The following MGAT5B variants were observed in gnomAD, a reference collection of about 807,000 sequenced individuals.
The protein encoded by MGAT5B is N-acetylglucosaminyl-transferase Vb.
Under a neutral mutation model 95.1 loss-of-function variants are expected in MGAT5B, and 54 were observed. That is an observed-to-expected ratio of 0.57 (90% confidence interval 0.46 to 0.71). The LOEUF (loss-of-function observed/expected upper bound fraction) is 0.71. Ranked by LOEUF, MGAT5B falls within the 30% of genes least tolerant of loss-of-function variation. MGAT5B has a pLI of 0.00. For synonymous variants in MGAT5B, 464 were observed against 451.0 expected, an observed-to-expected ratio of 1.03 and a Z score of -0.36; for missense variants, 935 against 1,088.6, an observed-to-expected ratio of 0.86 and a Z score of 1.99.
intron 12 of MGAT5B, among the ~76,000 whole-genome samples, chr17:76,937,314 A>G (rs1472408184): frequency 6.6e-6 from 1 of 152,180 alleles, no homozygotes. Flanking sequence ...ATGGGCAGAT[A>G]AGATGGATGA....
chr17:76,877,858 C>T, intron 2 of MGAT5B, among the ~76,000 whole-genome samples: 1 of 151,646 alleles, frequency 6.6e-6, no homozygotes, highest in East Asian at 1.9e-4. Context: ...ATGAGAGAGA[C>T]AGAGAGAGAC....
intron 8 of MGAT5B, among the ~76,000 whole-genome samples, chr17:76,907,836 C>T (rs75044145): frequency 0.011 from 1,640 of 152,264 alleles, 23 homozygotes; most frequent in African/African-American, 0.028. Flanking sequence ...CATGAGTTTC[C>T]GCTGGTTCAC....
Position 76,948,968 on chromosome 17 carries a change from GCC to G in MGAT5B, c.*131_*132del. ...CCCCAGGCCGGAGCTTCCTTCCTTA[GCC>G]GGGAAGCTGGCAGAGGAGAGCCGTG... is the stretch of plus-strand genomic sequence containing the variant. On this transcript the variant is annotated 3_prime_UTR_variant, in exon 18 of 18. Coordinates refer to ENST00000569840, the MANE Select transcript of MGAT5B (RefSeq NM_001199172.2). 9.0e-7 allele frequency: 1 copy of G among 1,105,240 alleles called. No homozygotes were observed. Among genetic ancestry groups the G allele is most frequent in the Non-Finnish European group, 1.3e-6 (1 of 793,154 alleles). 68.5% of individuals were successfully genotyped at this position (1,105,240 alleles called of 1,614,324 possible). A position where few individuals can be genotyped will look rare whatever the true frequency, so the allele number is the denominator to read the frequency against.
At position 76,882,493 on chromosome 17, in the gene MGAT5B, C is replaced by G. The variant is rs1598898204; in HGVS notation, c.329+195C>G. The G allele has an allele frequency of 9.8e-6, 6 of 611,896 alleles. No individual in the cohort carries two copies. In the East Asian group the frequency reaches 2.0e-4, roughly 20 times the overall value. 37.9% of individuals were successfully genotyped at this position (611,896 alleles called of 1,614,324 possible). Reference sequence around the variant, plus strand: ...TTGGTCACATTTGTGGCCTGTTTTCCTCTTTAAATAAAACGTCACAGATGA... The same window carrying G: ...TTGGTCACATTTGTGGCCTGTTTTCGTCTTTAAATAAAACGTCACAGATGA... On this transcript the variant is annotated intron_variant, in intron 3 of 17. Coordinates refer to ENST00000569840, the MANE Select transcript of MGAT5B (RefSeq NM_001199172.2).
chr17:76,884,399 GT>G (rs1329690441), intron 3 of MGAT5B, among the ~76,000 whole-genome samples: 5 of 152,054 alleles, frequency 3.3e-5, no homozygotes. Context: ...ATGTGGTTTG[GT>G]TTTTGTCCCT....
chr17:76,893,275 C>T (rs1020193519), intron 3 of MGAT5B, among the ~76,000 whole-genome samples: 4 of 152,146 alleles, frequency 2.6e-5, no homozygotes, highest in Non-Finnish European at 5.9e-5. Context: ...TTTGGTTCCT[C>T]TGTGCCCAGA....
intron 3 of MGAT5B, among the ~76,000 whole-genome samples, chr17:76,897,725 CTTTTTCTTTT>C (rs1598923045): frequency 9.1e-5 from 6 of 66,172 alleles, no homozygotes; most frequent in East Asian, 7.8e-4. Context: ...TTCTTTCTTT[CTTTTTCTTTT>C]TTTTTTTTTT....
At position 76,925,069 on chromosome 17, in the gene MGAT5B, C is replaced by G. The variant is rs1969258834; in HGVS notation, c.1129C>G (p.His377Asp). ...DYHGLQQMKR[H>D]MGLSFKKYRC... is the part of the protein sequence containing the mutation. ...CCACGGCCTGCAGCAGATGAAGCGG[C>G]ACATGGGACTCTCCTTCAAGAAGTA... Residue 377 changes from histidine to aspartate, a missense_variant, in exon 9 of 18, where the codon CAC becomes GAC. Coordinates refer to ENST00000569840, the MANE Select transcript of MGAT5B (RefSeq NM_001199172.2). The G allele has an allele frequency of 1.2e-6, 2 of 1,611,496 alleles. No homozygotes were observed. Among genetic ancestry groups the G allele is most frequent in the African/African-American group, 2.7e-5 (2 of 74,696 alleles).
In MGAT5B at chr17:76,882,284, C is replaced by G. The variant is rs1251321386; in HGVS notation, c.315C>G (p.His105Gln). ...SELHRAGGDL[H>Q]FPADRMPPGA... is the part of the protein sequence containing the mutation. Reference sequence around the variant, plus strand: ...TGCACCGGGCCGGCGGCGACCTGCACTTTCCCGCAGACAGGTGAGGGGACG... The same window carrying G: ...TGCACCGGGCCGGCGGCGACCTGCAGTTTCCCGCAGACAGGTGAGGGGACG... The change falls in exon 3 of 18, where the codon CAC becomes CAG. Residue 105 changes from histidine to glutamine, a missense_variant. By Grantham distance (24) the His-to-Gln change is conservative (BLOSUM62 0). Coordinates refer to ENST00000569840, the MANE Select transcript of MGAT5B (RefSeq NM_001199172.2). The G allele has an allele frequency of 1.2e-6, 2 of 1,612,138 alleles. No individual in the cohort carries two copies. The highest frequency in any genetic ancestry group is 1.7e-6 in the Non-Finnish European group (2 of 1,179,466).
At chr17:76,939,029 GGTGTGTGTGTGTGTGTGTGTGT>G (rs372571720) in intron 13 of MGAT5B, among the ~76,000 whole-genome samples, 1 of 128,190 alleles carries the variant, frequency 7.8e-6, no homozygotes, top group East Asian at 2.3e-4. Context: ...GCATCTTGGG[GGTGTGTGTGTGTGTGTGTGTGT>G]GTGTGTGTGT....
At chr17:76,893,969 A>G (rs1393059135) in intron 3 of MGAT5B, among the ~76,000 whole-genome samples, 4 of 152,128 alleles carry the variant, frequency 2.6e-5, no homozygotes, top group Admixed American at 2.0e-4. Flanking sequence ...CCGGGGTGTA[A>G]GAGGTGGAAA....
chr17:76,885,358 G>A (rs1967588310), intron 3 of MGAT5B, among the ~76,000 whole-genome samples: 1 of 152,198 alleles, frequency 6.6e-6, no homozygotes, highest in Non-Finnish European at 1.5e-5. Context: ...CTCTGATGCA[G>A]CCTCTGTCCG....
chr17:76,943,199 G>GAT (rs10628068), intron 15 of MGAT5B, among the ~76,000 whole-genome samples: 50,286 of 151,114 alleles, frequency 0.33, 8,467 homozygotes, highest in East Asian at 0.4. Flanking sequence ...TTTCCTGTTT[G>GAT]GTTTTTTTTT....
At chr17:76,946,803 G>C (rs1970044784) in intron 16 of MGAT5B, among the ~76,000 whole-genome samples, 1 of 152,242 alleles carries the variant, frequency 6.6e-6, no homozygotes, top group Non-Finnish European at 1.5e-5. Context: ...AAGATCCCCA[G>C]ACTCTCCGCC....
rs1402411862 is a variant in MGAT5B at position 76,905,963 on chromosome 17, C to T, written c.856-55C>T. 7.3e-6 allele frequency: 11 copies of T among 1,505,644 alleles called. No homozygotes were observed. The highest frequency in any genetic ancestry group is 1.4e-5 in the African/African-American group (1 of 69,346). The allele number at this position is 1,505,644 out of a possible 1,614,324, so 93.3% of individuals were successfully genotyped here. A position where few individuals can be genotyped will look rare whatever the true frequency, so the allele number is the denominator to read the frequency against. On this transcript the variant is annotated intron_variant, in intron 7 of 17. Transcript: ENST00000569840. The surrounding 1 kb of genome is among the most constrained non-coding windows in gnomAD (Gnocchi z 4.2). ...TCTCCTGGCCGGTGCCCCGGGGGGG[C>T]GGGGCTCAGAGCTGCTGCTCCTCTC...
At chr17:76,882,445 C>A in intron 3 of MGAT5B, 147 bp downstream of exon 3, 2 of 890,846 alleles carry the variant, frequency 2.2e-6, no homozygotes, top group Non-Finnish European at 3.1e-6. Context: ...TTTCTACCAC[C>A]CAAATTTAAC....
At chr17:76,942,721 T>C (rs1163095379) in intron 15 of MGAT5B, among the ~76,000 whole-genome samples, 1 of 152,146 alleles carries the variant, frequency 6.6e-6, no homozygotes, top group African/African-American at 2.4e-5. Flanking sequence ...ATTTCACTGC[T>C]GGAAACTGAC....
intron 4 of MGAT5B, among the ~76,000 whole-genome samples, 167 bp downstream of exon 4, chr17:76,902,837 G>T (rs1298491809): frequency 7.2e-6 from 1 of 139,672 alleles, no homozygotes; most frequent in Non-Finnish European, 1.5e-5. Flanking sequence ...GACAACTGGG[G>T]GTTCACTCCC....
intron 5 of MGAT5B, 135 bp from the exon 6 acceptor site, chr17:76,904,117 C>A: frequency 3.5e-6 from 3 of 862,650 alleles, no homozygotes; most frequent in Non-Finnish European, 5.2e-6. Flanking sequence ...CTGCCCTGTC[C>A]CCTGTTGCAT....
Sources: allele counts gnomAD v4.1 joint callset (sites outside exome capture counted in the v4.1 genomes callset), GRCh38; gene constraint gnomAD v4.1.1; non-coding constraint Gnocchi (gnomAD v3.1); transcripts MANE v1.5; gene names NCBI Gene and HGNC (gene_info 2026-07-23, HGNC 2026-07-21).